The following KLHDC4 variants were observed in gnomAD, a reference collection of about 807,000 sequenced individuals.
KLHDC4 encodes kelch domain containing 4, also known as kelch domain-containing protein 4.
Under a neutral mutation model 62.4 loss-of-function variants are expected in KLHDC4, and 90 were observed. The ratio of observed to expected loss-of-function variants is 1.44; its 90% CI spans 1.22 to 1.72. The LOEUF (loss-of-function observed/expected upper bound fraction) is 1.72, where lower values mean the gene tolerates loss of function less well. Among genes scored for constraint, KLHDC4 ranks in the 40% most tolerant of loss-of-function variants. KLHDC4 has a pLI of 0.00. For missense variants in KLHDC4, 1,025 were observed against 699.7 expected, an observed-to-expected ratio of 1.47 and a Z score of -5.25; for synonymous variants, 386 against 284.4, an observed-to-expected ratio of 1.36 and a Z score of -3.59.
intron 7 of KLHDC4, among the ~76,000 whole-genome samples, chr16:87,725,782 G>A (rs559105904): frequency 1.4e-4 from 22 of 152,246 alleles, no homozygotes; most frequent in African/African-American, 5.3e-4. Flanking sequence ...GCCAGTACAC[G>A]TGCAGAGCAC....
At chr16:87,763,498 G>A (rs990768569) in intron 1 of KLHDC4, 3 of 152,262 alleles carry the variant, frequency 2.0e-5, no homozygotes, top group East Asian at 3.9e-4. Context: ...CAAACTACTC[G>A]GGAGGCTGAG....
At chr16:87,746,804 T>C (rs751142532) in intron 5 of KLHDC4, among the ~76,000 whole-genome samples, 1 of 152,188 alleles carries the variant, frequency 6.6e-6, no homozygotes, top group African/African-American at 2.4e-5. Flanking sequence ...AGGATCACTA[T>C]TAAAAAAAGT....
chr16:87,710,211 G>A (rs1303688853), intron 9 of KLHDC4: 1 of 157,068 alleles, frequency 6.4e-6, no homozygotes, highest in Non-Finnish European at 1.4e-5. Context: ...GCCTCCTGCA[G>A]GACAGCTGTC....
At chr16:87,713,261 G>A (rs1597402213) in intron 8 of KLHDC4, among the ~76,000 whole-genome samples, 1 of 151,876 alleles carries the variant, frequency 6.6e-6, no homozygotes, top group African/African-American at 2.4e-5. Flanking sequence ...GTGCGGTGGT[G>A]CAATCTCGGC....
At chr16:87,756,512 A>AC (rs1269333560) in intron 2 of KLHDC4, 35 bp from the exon 3 acceptor site, 2 of 1,481,466 alleles carry the variant, frequency 1.4e-6, no homozygotes, top group East Asian at 4.5e-5. Flanking sequence ...CAGCAAGATC[A>AC]CCCCCGATAC....
chr16:87,699,536 A>C (rs919680305), exon 1 of KLHDC4: 1 of 152,158 alleles, frequency 6.6e-6, no homozygotes, highest in Non-Finnish European at 1.5e-5. Flanking sequence ...TCTACTAAAA[A>C]AAAAATACAA....
chr16:87,749,997 G>C (rs1026022185), intron 4 of KLHDC4, among the ~76,000 whole-genome samples: 1 of 152,160 alleles, frequency 6.6e-6, no homozygotes, highest in Non-Finnish European at 1.5e-5. Context: ...AGGGGATGCT[G>C]AGGAGAGAGC....
intron 3 of KLHDC4, 101 bp from the exon 4 acceptor site, chr16:87,755,393 C>T (rs1289783689): frequency 7.6e-6 from 5 of 659,710 alleles, no homozygotes; most frequent in South Asian, 5.1e-5. Context: ...AACTGACATG[C>T]TAAAGGAATG....
chr16:87,761,844 T>C lies in KLHDC4; in HGVS notation c.191+105A>G, dbSNP rs1016755382. 7 of 1,055,664 alleles carry C rather than the reference T, an allele frequency of 6.6e-6. No homozygotes were observed. In the Admixed American group the frequency reaches 7.9e-5, roughly 12 times the overall value. 65.4% of individuals were successfully genotyped at this position (1,055,664 alleles called of 1,614,324 possible). A position where few individuals can be genotyped will look rare whatever the true frequency, so the allele number is the denominator to read the frequency against. ...CAAGAACAGGTTTTAATAATGAAAA[T>C]GTCCCAAGTGCCTGGTCATTTACGA... On this transcript the variant is annotated intron_variant, in intron 2 of 11. Transcript: ENST00000270583.
At chr16:87,747,330 T>C (rs1039258028) in intron 5 of KLHDC4, among the ~76,000 whole-genome samples, 1 of 152,110 alleles carries the variant, frequency 6.6e-6, no homozygotes, top group South Asian at 2.1e-4. Flanking sequence ...AAAAAATCAA[T>C]CGATTTGCCA....
At position 87,728,665 on chromosome 16, in the gene KLHDC4, T is replaced by C. The variant is rs12446346; in HGVS notation, c.600-1741A>G. On this transcript the variant is annotated intron_variant, in intron 6 of 11. Transcript: ENST00000270583. ...ACTTATGTGTGCATTCTGACAATTA[T>C]TTGTTTTAAAATAAATTTTAAGAAT... Among the ~76,000 whole-genome samples the C allele has an allele frequency of 8.0e-3, 1,219 of 152,280 alleles. 11 individuals carry two copies. Among genetic ancestry groups the C allele is most frequent in the Middle Eastern group, 0.017 (5 of 294 alleles).
At chr16:87,714,693 C>A (rs2036588236) in intron 7 of KLHDC4, 120 bp from the exon 8 acceptor site, 2 of 1,029,628 alleles carry the variant, frequency 1.9e-6, no homozygotes, top group South Asian at 1.4e-5. Flanking sequence ...GTAGACCAGC[C>A]CCAAAGCTCC....
chr16:87,711,199 C>T (rs555615028), intron 9 of KLHDC4, 36 bp downstream of exon 9: 26 of 1,606,120 alleles, frequency 1.6e-5, no homozygotes, highest in Non-Finnish European at 2.0e-5. Flanking sequence ...GTTAGGGCTG[C>T]GCACCACGGC....
At chr16:87,725,467 A>C (rs770062156) in intron 7 of KLHDC4, among the ~76,000 whole-genome samples, 1 of 152,212 alleles carries the variant, frequency 6.6e-6, no homozygotes, top group Non-Finnish European at 1.5e-5. Context: ...GCCCAGCCTA[A>C]GCATAGCAAA....
chr16:87,736,862 C>A (rs975240530), intron 5 of KLHDC4, among the ~76,000 whole-genome samples: 1 of 152,086 alleles, frequency 6.6e-6, no homozygotes, highest in Non-Finnish European at 1.5e-5. Flanking sequence ...CGGTGGCTCA[C>A]GCCTGTAATC....
In KLHDC4 at chr16:87,765,910, C is replaced by A; in HGVS notation, c.-20G>T. The stretch of plus-strand genomic sequence containing the variant: ...GCCCATCTTGCCGGGTCCCAAGCCG[C>A]GACGGGACACCAGGAAAGAAAACGG... On this transcript the variant is annotated 5_prime_UTR_variant, in exon 1 of 12. Coordinates refer to ENST00000270583, the MANE Select transcript of KLHDC4 (RefSeq NM_017566.4). 6.5e-7 allele frequency: 1 copy of A among 1,549,920 alleles called. No homozygotes were observed. Among genetic ancestry groups the A allele is most frequent in the South Asian group, 1.2e-5 (1 of 84,050 alleles).
chr16:87,727,208 G>T (rs2012475), intron 6 of KLHDC4, among the ~76,000 whole-genome samples: 94,154 of 151,974 alleles, frequency 0.62, 29,242 homozygotes, highest in South Asian at 0.73. Flanking sequence ...AGTTTGAATT[G>T]ATATGAAAGG....
chr16:87,707,535 C>A (rs1053063847), downstream of KLHDC4, among the ~76,000 whole-genome samples: 2 of 152,218 alleles, frequency 1.3e-5, no homozygotes, highest in African/African-American at 2.4e-5. Flanking sequence ...TGGCCCTGGT[C>A]TGCTTTTCAG....
At position 87,734,317 on chromosome 16, in the gene KLHDC4, C is replaced by G. The variant is rs530406739; in HGVS notation, c.507-3673G>C. On this transcript the variant is annotated intron_variant, in intron 5 of 11. Coordinates refer to ENST00000270583, the MANE Select transcript of KLHDC4 (RefSeq NM_017566.4). ...CGACACTGCGCCACTGCACTCCAGT[C>G]TGGGCGATAGAGCAAGACTCCGTCT... 2.6e-5 allele frequency among the ~76,000 whole-genome samples: 4 copies of G among 152,140 alleles called. No individual in the cohort carries two copies. In the East Asian group the frequency reaches 5.8e-4, roughly 22 times the overall value.
Sources: gnomAD v4.1 joint callset for allele counts (sites outside exome capture counted in the v4.1 genomes callset) on GRCh38, gnomAD v4.1.1 for gene constraint, MANE v1.5 for transcripts, NCBI Gene and HGNC (gene_info 2026-07-23, HGNC 2026-07-21) for gene names.